Variants in NBAS observed in about 807,000 individuals in gnomAD.
NBAS encodes NBAS subunit of NRZ tethering complex.
NBAS carries 219 observed loss-of-function variants against 302.5 expected under a neutral mutation model. That is an observed-to-expected ratio of 0.72 (90% confidence interval 0.65 to 0.81). The LOEUF (loss-of-function observed/expected upper bound fraction) is 0.81. Ranked by LOEUF, NBAS falls within the 30% of genes least tolerant of loss-of-function variation. The pLI is 0.00. For missense variants in NBAS, 2,932 were observed against 2,841.6 expected (o/e 1.03, Z -0.72); for synonymous variants, 1,118 against 1,021.6 (o/e 1.09, Z -1.80).
chr2:15,405,664 C>G (rs1350783094), intron 25 of NBAS, among the ~76,000 whole-genome samples: 1 of 152,016 alleles, frequency 6.6e-6, no homozygotes, highest in East Asian at 1.9e-4. Flanking sequence ...CTATATACAA[C>G]TAGAAAAGAA....
chr2:15,033,418 TAGA>T, the NBAS span, among the ~76,000 whole-genome samples: 1 of 20,888 alleles, frequency 4.8e-5, no homozygotes, highest in Non-Finnish European at 1.9e-4. Context: ...CTTCAAACTT[TAGA>T]CTTTAGAATT....
At chr2:14,844,256 T>C in the NBAS span, among the ~76,000 whole-genome samples, 1 of 152,154 alleles carries the variant, frequency 6.6e-6, no homozygotes, top group Non-Finnish European at 1.5e-5. Context: ...GTGAGGGCCC[T>C]GTTCCAGGCC....
At chr2:15,353,822 T>C (rs1007116718) in intron 33 of NBAS, 112 bp from the exon 34 acceptor site, 38 of 1,216,782 alleles carry the variant, frequency 3.1e-5, no homozygotes, top group Middle Eastern at 1.9e-4. Context: ...AGCAAAATCA[T>C]AGTCATTAGT....
the NBAS span, among the ~76,000 whole-genome samples, chr2:14,937,275 C>T: frequency 5.9e-5 from 9 of 152,164 alleles, no homozygotes; most frequent in South Asian, 2.1e-4. Context: ...ATTCAAATCC[C>T]GGCACTGCCA....
At chr2:15,155,992 GCTT>G in the NBAS span, among the ~76,000 whole-genome samples, 1 of 152,166 alleles carries the variant, frequency 6.6e-6, no homozygotes, top group South Asian at 2.1e-4. Context: ...AGTCTTAAAA[GCTT>G]CTTTTATTTC....
At chr2:14,887,398 T>TTAAAAAAA in the NBAS span, among the ~76,000 whole-genome samples, 10 of 95,680 alleles carry the variant, frequency 1.0e-4, 1 homozygote, top group Non-Finnish European at 1.5e-4. Flanking sequence ...GTGAGACTCC[T>TTAAAAAAA]CAAAAAAAAA....
At chr2:15,288,026 G>A (rs1670133974) in intron 41 of NBAS, among the ~76,000 whole-genome samples, 1 of 152,214 alleles carries the variant, frequency 6.6e-6, no homozygotes, top group Non-Finnish European at 1.5e-5. Flanking sequence ...CCGAGCATCT[G>A]CATAGGCAGC....
At chr2:15,014,509 C>T in the NBAS span, among the ~76,000 whole-genome samples, 1 of 151,996 alleles carries the variant, frequency 6.6e-6, no homozygotes, top group East Asian at 1.9e-4. Flanking sequence ...CATGGAAATT[C>T]AACATGTTCC....
chr2:15,242,043 T>A (rs1370026132), intron 44 of NBAS, among the ~76,000 whole-genome samples: 1 of 152,212 alleles, frequency 6.6e-6, no homozygotes, highest in Non-Finnish European at 1.5e-5. Context: ...GGAGTCAATC[T>A]AGCCTCTACA....
At chr2:14,842,639 T>C in the NBAS span, among the ~76,000 whole-genome samples, 1 of 151,646 alleles carries the variant, frequency 6.6e-6, no homozygotes, top group Non-Finnish European at 1.5e-5. Flanking sequence ...CAAAACTTCA[T>C]CAAACAAAAA....
chr2:14,818,985 T>C, the NBAS span, among the ~76,000 whole-genome samples: 2 of 152,244 alleles, frequency 1.3e-5, no homozygotes, highest in Non-Finnish European at 2.9e-5. Flanking sequence ...CAAGTTCAAC[T>C]CCTCTACAGA....
chr2:14,841,933 T>C, the NBAS span, among the ~76,000 whole-genome samples: 1 of 152,006 alleles, frequency 6.6e-6, no homozygotes, highest in Non-Finnish European at 1.5e-5. Flanking sequence ...ATAGACCATA[T>C]CTTAGGATGC....
the NBAS span, among the ~76,000 whole-genome samples, chr2:14,884,663 C>A: frequency 2.6e-5 from 4 of 152,180 alleles, no homozygotes; most frequent in Admixed American, 2.6e-4. Context: ...GTAAGCAACA[C>A]AGCCCAGTGC....
At chr2:15,233,788 C>T (rs964779448) in intron 46 of NBAS, among the ~76,000 whole-genome samples, 6 of 152,160 alleles carry the variant, frequency 3.9e-5, no homozygotes, top group African/African-American at 1.2e-4. Context: ...GATAAAGGCT[C>T]ATTTGATTTC....
At chr2:14,996,191 C>G in the NBAS span, among the ~76,000 whole-genome samples, 1 of 152,202 alleles carries the variant, frequency 6.6e-6, no homozygotes, top group Non-Finnish European at 1.5e-5. Flanking sequence ...TCTCTGATAG[C>G]TAGATTCACT....
At chr2:15,382,608 G>A (rs77379575) in intron 29 of NBAS, among the ~76,000 whole-genome samples, 2,064 of 152,228 alleles carry the variant, frequency 0.014, 33 homozygotes, top group East Asian at 0.06. Flanking sequence ...GGTGGATGGA[G>A]GAAATGATGA....
At chr2:14,823,202 A>G in the NBAS span, among the ~76,000 whole-genome samples, 3 of 152,232 alleles carry the variant, frequency 2.0e-5, no homozygotes, top group African/African-American at 7.2e-5. Flanking sequence ...GCAATTAGCC[A>G]ATCCATTTTT....
chr2:14,788,498 T>C, the NBAS span, among the ~76,000 whole-genome samples: 16 of 152,148 alleles, frequency 1.1e-4, no homozygotes, highest in African/African-American at 2.4e-4. Flanking sequence ...GATGGGTTTT[T>C]GGTGTGGATG....
chr2:15,260,715 A>G (rs1668809963), intron 44 of NBAS, among the ~76,000 whole-genome samples: 1 of 152,200 alleles, frequency 6.6e-6, no homozygotes, highest in South Asian at 2.1e-4. Flanking sequence ...CCTCTGATGT[A>G]TGTCGTCAGC....
Sources: allele counts gnomAD v4.1 joint callset (sites outside exome capture counted in the v4.1 genomes callset), GRCh38; gene constraint gnomAD v4.1.1; transcripts MANE v1.5; gene names NCBI Gene and HGNC (gene_info 2026-07-23, HGNC 2026-07-21).